Variants in SATL1 observed in about 807,000 individuals in gnomAD.
SATL1 encodes spermidine/spermine N1-acetyl transferase like 1.
A neutral mutation model predicts 51.8 loss-of-function variants in SATL1; 47 were observed. That is an observed-to-expected ratio of 0.91 (90% CI 0.72 to 1.16). The LOEUF is 1.16. SATL1 is among the 50% of genes most tolerant of loss of function. The pLI, the probability that SATL1 is intolerant of heterozygous loss-of-function variation, is 0.00. For missense variants in SATL1, 520 were observed against 526.4 expected (o/e 0.99, Z 0.12); for synonymous variants, 176 against 182.4 (o/e 0.97, Z 0.28).
At chrX:85,225,781 G>C (rs1313915388) in intron 1 of SATL1, among the ~76,000 whole-genome samples, 1 of 111,689 alleles carries the variant, frequency 9.0e-6, no homozygotes. Flanking sequence ...AGTCAAAAGA[G>C]ATTTCTGGCA....
Position 85,163,853 on chromosome X carries a change from G to A in SATL1, c.-312-54573C>T, listed in dbSNP as rs1419952336. The stretch of plus-strand genomic sequence containing the variant: ...AATGACCTGTCTAATGCTGTCAGTG[G>A]AGTATTGAAGTCCCCCACTATTATT... On this transcript the variant is annotated intron_variant, in intron 2 of 7. Transcript: ENST00000644105. 2.7e-5 allele frequency among the ~76,000 whole-genome samples: 3 copies of A among 111,630 alleles called. No individual in the cohort carries two copies. The Admixed American group carries it at 2.9e-4, about 11-fold the overall frequency.
At chrX:85,096,275 T>C (rs1413597366) in intron 4 of SATL1, among the ~76,000 whole-genome samples, 2 of 110,604 alleles carry the variant, frequency 1.8e-5, no homozygotes, top group Admixed American at 1.9e-4. Flanking sequence ...AAAAATGCAC[T>C]GTACTGGAGG....
intron 2 of SATL1, among the ~76,000 whole-genome samples, chrX:85,125,899 G>T (rs1179389927): frequency 6.3e-5 from 7 of 110,271 alleles, no homozygotes; most frequent in Non-Finnish European, 1.3e-4. Flanking sequence ...TCAGGGTAAA[G>T]AATTCCCTGG....
At chrX:85,144,469 G>C (rs1391193083) in intron 2 of SATL1, among the ~76,000 whole-genome samples, 1 of 111,503 alleles carries the variant, frequency 9.0e-6, no homozygotes, top group Non-Finnish European at 1.9e-5. Flanking sequence ...AGAGACCTGG[G>C]ATTCAGACAA....
At chrX:85,171,382 C>T (rs1221494009) in intron 2 of SATL1, among the ~76,000 whole-genome samples, 1 of 111,467 alleles carries the variant, frequency 9.0e-6, no homozygotes, top group African/African-American at 3.2e-5. Context: ...TTTCTTGTAT[C>T]GTTATTTCAA....
chrX:85,120,392 T>A (rs760387014), intron 2 of SATL1, among the ~76,000 whole-genome samples: 1 of 111,177 alleles, frequency 9.0e-6, no homozygotes, highest in East Asian at 2.8e-4. Context: ...TGTGGAAAAA[T>A]TGAGAGGTAA....
At chrX:85,196,470 T>G (rs1200475184) in intron 2 of SATL1, among the ~76,000 whole-genome samples, 1 of 111,236 alleles carries the variant, frequency 9.0e-6, no homozygotes, top group African/African-American at 3.3e-5. Context: ...GATGCTAAAA[T>G]TCATATGCAA....
At chrX:85,141,115 G>T (rs1926098706) in intron 2 of SATL1, among the ~76,000 whole-genome samples, 1 of 111,459 alleles carries the variant, frequency 9.0e-6, no homozygotes, top group Admixed American at 9.6e-5. Context: ...TGTATGCAAA[G>T]CAGGCAGAAA....
chrX:85,103,310 A>C (rs1313223130), intron 4 of SATL1, among the ~76,000 whole-genome samples: 1 of 111,640 alleles, frequency 9.0e-6, no homozygotes, highest in Non-Finnish European at 1.9e-5. Context: ...TATTACATGC[A>C]TTCTGAAGTA....
intron 2 of SATL1, among the ~76,000 whole-genome samples, chrX:85,194,255 G>T (rs1927503039): frequency 9.0e-6 from 1 of 111,654 alleles, no homozygotes; most frequent in South Asian, 3.8e-4. Context: ...GGCAGTTGGA[G>T]AGGAGAATTG....
At chrX:85,198,780 A>C (rs765980674) in intron 2 of SATL1, among the ~76,000 whole-genome samples, 2 of 110,962 alleles carry the variant, frequency 1.8e-5, no homozygotes, top group South Asian at 7.8e-4. Context: ...TATTTTAAAA[A>C]GTACAATTAA....
At chrX:85,183,695 A>C (rs1927256215) in intron 2 of SATL1, among the ~76,000 whole-genome samples, 1 of 111,603 alleles carries the variant, frequency 9.0e-6, no homozygotes, top group South Asian at 3.7e-4. Flanking sequence ...ATGGAGTACA[A>C]TAGATATTTT....
chrX:85,151,315 A>G (rs1249214669), intron 2 of SATL1, among the ~76,000 whole-genome samples: 11 of 111,173 alleles, frequency 9.9e-5, no homozygotes, highest in African/African-American at 1.6e-4. Context: ...GGAAATAAAA[A>G]AGGATACAAA....
At chrX:85,182,149 A>C (rs1415987179) in intron 2 of SATL1, among the ~76,000 whole-genome samples, 2 of 111,255 alleles carry the variant, frequency 1.8e-5, no homozygotes, top group Non-Finnish European at 3.8e-5. Context: ...GTTGTTAACT[A>C]TAGTCATCCT....
At chrX:85,224,653 T>C (rs1365414270) in intron 1 of SATL1, among the ~76,000 whole-genome samples, 2 of 108,882 alleles carry the variant, frequency 1.8e-5, no homozygotes, top group Non-Finnish European at 3.8e-5. Context: ...AGGGGAAGTG[T>C]GATAGTGAGA....
At chrX:85,181,208 T>C (rs900045062) in intron 2 of SATL1, among the ~76,000 whole-genome samples, 6 of 105,328 alleles carry the variant, frequency 5.7e-5, no homozygotes, top group Admixed American at 3.2e-4. Context: ...TATATACACA[T>C]ATATATATAT....
intron 2 of SATL1, among the ~76,000 whole-genome samples, chrX:85,125,846 C>T (rs971474239): frequency 1.8e-5 from 2 of 110,041 alleles, no homozygotes; most frequent in African/African-American, 6.6e-5. Context: ...ACATTTAATT[C>T]TTTATGAATT....
chrX:85,101,104 G>A (rs1296634784), intron 4 of SATL1, among the ~76,000 whole-genome samples: 1 of 112,150 alleles, frequency 8.9e-6, no homozygotes, highest in Non-Finnish European at 1.9e-5. Flanking sequence ...ACTCTTAGAA[G>A]AAACATGGGA....
intron 2 of SATL1, among the ~76,000 whole-genome samples, chrX:85,212,372 CATTT>C (rs1168214553): frequency 1.8e-5 from 2 of 111,548 alleles, no homozygotes; most frequent in East Asian, 2.8e-4. Context: ...AATTGTACTT[CATTT>C]ATTTAAGTAT....
Sources: gnomAD v4.1 joint callset for allele counts (sites outside exome capture counted in the v4.1 genomes callset) on GRCh38, gnomAD v4.1.1 for gene constraint, MANE v1.5 for transcripts, NCBI Gene and HGNC (gene_info 2026-07-23, HGNC 2026-07-21) for gene names.